FAM13A: variants seen among roughly 807,000 people sequenced by gnomAD.
The protein encoded by FAM13A is family with sequence similarity 13 member A.
Under a neutral mutation model 129.6 loss-of-function variants are expected in FAM13A, and 76 were observed. That is an observed-to-expected ratio of 0.59 (90% CI 0.49 to 0.71). The LOEUF (loss-of-function observed/expected upper bound fraction) is 0.71, where lower values mean the gene tolerates loss of function less well. Among genes scored for constraint, FAM13A ranks in the 30% least tolerant of loss-of-function variants. The probability of loss-of-function intolerance (pLI) is 0.00; values close to 1 mark genes in which losing one functional copy is unlikely to be tolerated. For synonymous variants in FAM13A, 443 were observed against 449.9 expected (o/e 0.98, Z 0.20); for missense variants, 1,108 against 1,249.3 (o/e 0.89, Z 1.70).
chr4:89,031,393 C>T lies in FAM13A; in HGVS notation c.28-1744G>A, dbSNP rs148008837. Among the ~76,000 whole-genome samples the T allele has an allele frequency of 5.9e-5, 9 of 152,264 alleles. No homozygotes were observed. In the East Asian group the frequency reaches 9.6e-4, roughly 16 times the overall value. ...GTGGTTTAGAGCATAGACTATGGAACAAGACTGGATTGAATCCCATTCTGA... is the reference window on the plus strand; with the variant it reads ...GTGGTTTAGAGCATAGACTATGGAATAAGACTGGATTGAATCCCATTCTGA... On this transcript the variant is annotated intron_variant, in intron 1 of 23. Coordinates refer to ENST00000264344, the MANE Select transcript of FAM13A (RefSeq NM_014883.4).
intron 7 of FAM13A, among the ~76,000 whole-genome samples, chr4:88,819,791 G>C (rs1206487993): frequency 2.0e-5 from 3 of 152,064 alleles, no homozygotes; most frequent in South Asian, 2.1e-4. Flanking sequence ...TTCATTATTA[G>C]CTATAAGTAG....
intron 4 of FAM13A, among the ~76,000 whole-genome samples, chr4:88,984,065 C>G (rs1050305829): frequency 9.2e-5 from 14 of 152,120 alleles, no homozygotes; most frequent in Admixed American, 6.6e-4. Flanking sequence ...AAACAATCTT[C>G]AACAAATGAT....
intron 3 of FAM13A, among the ~76,000 whole-genome samples, chr4:89,000,689 A>G (rs1387937541): frequency 6.6e-6 from 1 of 152,218 alleles, no homozygotes; most frequent in South Asian, 2.1e-4. Context: ...TAATTTATAT[A>G]CCAATAAAGC....
intron 7 of FAM13A, among the ~76,000 whole-genome samples, chr4:88,812,662 C>T (rs1176550725): frequency 6.6e-6 from 1 of 152,270 alleles, no homozygotes; most frequent in South Asian, 2.1e-4. Flanking sequence ...CTTCAAGACA[C>T]TTTGTTCATA....
chr4:88,824,316 G>A (rs938170747), intron 7 of FAM13A, among the ~76,000 whole-genome samples: 7 of 152,058 alleles, frequency 4.6e-5, no homozygotes, highest in African/African-American at 1.7e-4. Context: ...CCCTTCCCCT[G>A]TAATTTTTCC....
chr4:88,726,109 A>G lies in FAM13A; in HGVS notation c.*2424T>C, dbSNP rs1436135778. ...AGTCCAGAGCATTTTGTCTTTGTGAAGCCAATTAATTAAGACACCGCCTCT... is the reference window on the plus strand; with the variant it reads ...AGTCCAGAGCATTTTGTCTTTGTGAGGCCAATTAATTAAGACACCGCCTCT... On this transcript the variant is annotated 3_prime_UTR_variant, in exon 24 of 24. Coordinates refer to ENST00000264344, the MANE Select transcript of FAM13A (RefSeq NM_014883.4). The G allele has an allele frequency of 6.6e-6, 1 of 152,212 alleles. No individual in the cohort carries two copies. Among genetic ancestry groups the G allele is most frequent in the African/African-American group, 2.4e-5 (1 of 41,456 alleles). 9.4% of individuals were successfully genotyped at this position (152,212 alleles called of 1,614,324 possible).
intron 14 of FAM13A, among the ~76,000 whole-genome samples, chr4:88,756,739 T>C (rs1476812168): frequency 5.3e-5 from 8 of 152,224 alleles, no homozygotes. Flanking sequence ...ATCAGACTTA[T>C]TGCTCTCGTT....
At position 88,727,688 on chromosome 4, in the gene FAM13A, C is replaced by CT. The variant is rs1736714311; in HGVS notation, c.*844_*845insA. ...ACAGCCCCAAACAGATTGCCATGAG[C>CT]ATGCTAGCCTGGCTTGGTGTTTGAC... On this transcript the variant is annotated 3_prime_UTR_variant, in exon 24 of 24. Coordinates refer to ENST00000264344, the MANE Select transcript of FAM13A (RefSeq NM_014883.4). The CT allele has an allele frequency of 6.6e-6, 1 of 152,266 alleles. No homozygotes were observed. The highest frequency in any genetic ancestry group is 1.5e-5 in the Non-Finnish European group (1 of 68,078). The allele number at this position is 152,266 out of a possible 1,614,324, so 9.4% of individuals were successfully genotyped here. A position where few individuals can be genotyped will look rare whatever the true frequency, so the allele number is the denominator to read the frequency against.
At chr4:88,853,896 GC>G (rs566035688) in intron 6 of FAM13A, among the ~76,000 whole-genome samples, 174 of 152,314 alleles carry the variant, frequency 1.1e-3, no homozygotes, top group African/African-American at 4.1e-3. Context: ...GATGCTTCCT[GC>G]CCTTGAACAT....
chr4:88,955,937 A>AC (rs1288637860), intron 4 of FAM13A, among the ~76,000 whole-genome samples: 1 of 152,262 alleles, frequency 6.6e-6, no homozygotes, highest in Non-Finnish European at 1.5e-5. Context: ...AGCAGGCTGC[A>AC]CAACTTTGCA....
chr4:88,818,657 A>G (rs3775380), intron 7 of FAM13A, among the ~76,000 whole-genome samples: 77,774 of 151,952 alleles, frequency 0.51, 20,167 homozygotes, highest in East Asian at 0.69. Context: ...TGACAGTGAT[A>G]AAGCATAAAT....
chr4:89,056,611 T>C (rs768624813), intron 1 of FAM13A, among the ~76,000 whole-genome samples: 28 of 152,226 alleles, frequency 1.8e-4, no homozygotes, highest in Admixed American at 1.4e-3. Flanking sequence ...CTAATAGCTA[T>C]AATGAAGCAT....
At chr4:89,002,607 T>G (rs920843506) in intron 3 of FAM13A, among the ~76,000 whole-genome samples, 2 of 152,126 alleles carry the variant, frequency 1.3e-5, no homozygotes, top group African/African-American at 4.8e-5. Context: ...CAGCTAAATT[T>G]CTCATTTTTC....
chr4:88,972,299 CTTTTTTT>C (rs57674045), intron 4 of FAM13A, among the ~76,000 whole-genome samples: 75,244 of 137,588 alleles, frequency 0.55, 19,626 homozygotes, highest in Middle Eastern at 0.62. Flanking sequence ...TTCTCCTTCA[CTTTTTTT>C]TTTTTTTTTT....
At chr4:88,814,174 GTTAA>G (rs1249720204) in intron 7 of FAM13A, among the ~76,000 whole-genome samples, 1 of 152,128 alleles carries the variant, frequency 6.6e-6, no homozygotes, top group African/African-American at 2.4e-5. Context: ...TTTTAGAAAG[GTTAA>G]TTAACAGGCT....
At chr4:88,763,488 C>T (rs1745184113) in intron 13 of FAM13A, among the ~76,000 whole-genome samples, 1 of 152,158 alleles carries the variant, frequency 6.6e-6, no homozygotes, top group Non-Finnish European at 1.5e-5. Flanking sequence ...CTCATCTCTC[C>T]CGGGCCCTCA....
chr4:88,803,962 G>C lies in FAM13A; in HGVS notation c.1049+1049C>G, dbSNP rs571560572. 3.3e-5 allele frequency among the ~76,000 whole-genome samples: 5 copies of C among 152,160 alleles called. No individual in the cohort carries two copies. In the South Asian group the frequency reaches 1.0e-3, roughly 32 times the overall value. ...CATCCCCTGACATTTCTTTTAAAAAGCAGTAGACTTCAGGCCAGGCGTGGT... is the reference window on the plus strand; with the variant it reads ...CATCCCCTGACATTTCTTTTAAAAACCAGTAGACTTCAGGCCAGGCGTGGT... On this transcript the variant is annotated intron_variant, in intron 8 of 23. Coordinates refer to ENST00000264344, the MANE Select transcript of FAM13A (RefSeq NM_014883.4).
At chr4:88,961,407 A>G (rs1758600324) in intron 4 of FAM13A, among the ~76,000 whole-genome samples, 2 of 108,360 alleles carry the variant, frequency 1.8e-5, no homozygotes, top group Non-Finnish European at 3.5e-5. Flanking sequence ...TTGCTCTGTC[A>G]TCCAGGCTGG....
intron 1 of FAM13A, 106 bp from the exon 2 acceptor site, chr4:89,029,755 T>C (rs1433643987): frequency 1.1e-6 from 1 of 940,798 alleles, no homozygotes; most frequent in East Asian, 2.5e-5. Flanking sequence ...GATGAATAGT[T>C]GTGGTCTTAT....
Sources: gnomAD v4.1 joint callset for allele counts (sites outside exome capture counted in the v4.1 genomes callset) on GRCh38, gnomAD v4.1.1 for gene constraint, MANE v1.5 for transcripts, NCBI Gene and HGNC (gene_info 2026-07-23, HGNC 2026-07-21) for gene names.